The following STRBP variants were observed in gnomAD, a reference collection of about 807,000 sequenced individuals.
The protein encoded by STRBP is spermatid perinuclear RNA binding protein.
Under a neutral mutation model 80.1 loss-of-function variants are expected in STRBP, and 13 were observed. The observed-to-expected ratio is 0.16, with a 90% confidence interval of 0.11 to 0.26. STRBP has a LOEUF of 0.26. STRBP is among the 10% of genes least tolerant of loss of function. The probability of loss-of-function intolerance (pLI) is 1.00; values close to 1 mark genes in which losing one functional copy is unlikely to be tolerated. For synonymous variants in STRBP, 284 were observed against 291.2 expected (o/e 0.98, Z 0.25); for missense variants, 485 against 815.2 (o/e 0.59, Z 4.93).
rs1176108132 is a variant in STRBP, at chr9:123,115,181, C to CA, written c.*84+747dup. The CA allele has an allele frequency of 2.1e-6, 1 of 470,530 alleles. No individual in the cohort carries two copies. Among genetic ancestry groups the CA allele is most frequent in the Middle Eastern group, 3.3e-4 (1 of 3,066 alleles). 29.1% of individuals were successfully genotyped at this position (470,530 alleles called of 1,614,324 possible). ...TCGGGTCCCACAGCAAGGCCCTTCACACTCCCCAAGTGGGCACACTCTCTC... is the reference window on the plus strand; with the variant it reads ...TCGGGTCCCACAGCAAGGCCCTTCACAACTCCCCAAGTGGGCACACTCTCTC... On this transcript the variant is annotated intron_variant and NMD_transcript_variant, in intron 3 of 3. Coordinates refer to the STRBP transcript ENST00000471564. The surrounding 1 kb of genome is among the most constrained non-coding windows in gnomAD (Gnocchi z 5.0).
rs1329809526 is a variant in STRBP, at chr9:123,151,079, A to G, written c.1046-3209T>C. 2.0e-5 allele frequency among the ~76,000 whole-genome samples: 3 copies of G among 152,222 alleles called. No individual in the cohort carries two copies. In the East Asian group the frequency reaches 5.8e-4, roughly 29 times the overall value. ...ATAACCAGGCACATGAGAAGATATCATGATCAAAAATCAAGAGAAATCACA... is the reference window on the plus strand; with the variant it reads ...ATAACCAGGCACATGAGAAGATATCGTGATCAAAAATCAAGAGAAATCACA... On this transcript the variant is annotated intron_variant, in intron 11 of 18. Transcript: ENST00000348403.
intron 13 of STRBP, among the ~76,000 whole-genome samples, chr9:123,144,626 A>G (rs920441969): frequency 1.3e-5 from 2 of 152,244 alleles, no homozygotes; most frequent in Admixed American, 1.3e-4. Flanking sequence ...TATTATTTCT[A>G]CGTATTAGAA....
At chr9:123,149,054 C>T (rs953018944) in intron 11 of STRBP, among the ~76,000 whole-genome samples, 2 of 152,200 alleles carry the variant, frequency 1.3e-5, no homozygotes, top group African/African-American at 4.8e-5. Flanking sequence ...AAGATCTCAT[C>T]TCTTTATGTC....
chr9:123,199,188 C>T (rs556527075), intron 2 of STRBP, among the ~76,000 whole-genome samples: 1 of 152,204 alleles, frequency 6.6e-6, no homozygotes, highest in Admixed American at 6.5e-5. Context: ...CCCGCCTCAG[C>T]CTCCCAAAGT....
At chr9:123,152,386 C>G (rs1485289791) in intron 11 of STRBP, among the ~76,000 whole-genome samples, 1 of 151,678 alleles carries the variant, frequency 6.6e-6, no homozygotes, top group African/African-American at 2.4e-5. Context: ...CCACAAAAAC[C>G]TAAATTTTAT....
chr9:123,247,127 G>A (rs2040815701), intron 1 of STRBP, among the ~76,000 whole-genome samples: 1 of 152,126 alleles, frequency 6.6e-6, no homozygotes, highest in Admixed American at 6.5e-5. Flanking sequence ...GGGGAGAACA[G>A]CCACTACCCA....
In STRBP at chr9:123,146,934, A is replaced by G. The variant is rs2036837523; in HGVS notation, c.1259T>C (p.Met420Thr). ...SGPVHAPVFT[M>T]SVDVDGTTYE... ...TGTTGTGCCATCCACATCTACAGACATTGTGAAGACTGGGGCATGAACGGG... is the reference window on the plus strand; with the variant it reads ...TGTTGTGCCATCCACATCTACAGACGTTGTGAAGACTGGGGCATGAACGGG... Residue 420 changes from methionine (M) to threonine (T), a missense_variant, in exon 13 of 19, where the codon ATG (methionine) becomes ACG (threonine). This residue lies in a region of STRBP where 377 missense variants were observed against 616.1 expected (regional missense o/e 0.61). Coordinates refer to ENST00000348403, the MANE Select transcript of STRBP (RefSeq NM_018387.5). The G allele has an allele frequency of 6.2e-7, 1 of 1,613,966 alleles. No individual in the cohort carries two copies. Among genetic ancestry groups the G allele is most frequent in the Non-Finnish European group, 8.5e-7 (1 of 1,179,986 alleles).
At chr9:123,257,714 A>T (rs1304813684) in intron 1 of STRBP, among the ~76,000 whole-genome samples, 2 of 152,160 alleles carry the variant, frequency 1.3e-5, no homozygotes, top group African/African-American at 4.8e-5. Context: ...GCTACTCAGC[A>T]GACTGAATGG....
At chr9:123,178,130 G>C (rs534076436) in intron 4 of STRBP, among the ~76,000 whole-genome samples, 19 of 152,216 alleles carry the variant, frequency 1.2e-4, no homozygotes, top group Non-Finnish European at 2.1e-4. Flanking sequence ...GATAAAAAAA[G>C]TTATACTATC....
chr9:123,200,631 G>A (rs1196793916), intron 2 of STRBP, among the ~76,000 whole-genome samples: 2 of 146,852 alleles, frequency 1.4e-5, no homozygotes, highest in African/African-American at 5.0e-5. Flanking sequence ...GCAGTGGCGC[G>A]AACTCGGCTC....
chr9:123,168,865 C>A (rs996014194), intron 6 of STRBP, among the ~76,000 whole-genome samples: 3 of 152,184 alleles, frequency 2.0e-5, no homozygotes, highest in Non-Finnish European at 4.4e-5. Context: ...CCATCATGAA[C>A]TTCTCAAAAC....
At chr9:123,253,305 A>G (rs977986763) in intron 1 of STRBP, among the ~76,000 whole-genome samples, 1 of 152,224 alleles carries the variant, frequency 6.6e-6, no homozygotes, top group African/African-American at 2.4e-5. Context: ...ATTATTTCCT[A>G]TTTTGTTTTT....
chr9:123,227,605 G>A (rs773126468), intron 2 of STRBP, among the ~76,000 whole-genome samples: 4 of 130,094 alleles, frequency 3.1e-5, no homozygotes, highest in Admixed American at 1.9e-4. Flanking sequence ...TCACTCTGTC[G>A]CTCAGGCTGG....
chr9:123,189,259 T>C (rs1001959378), intron 2 of STRBP, among the ~76,000 whole-genome samples: 5 of 123,152 alleles, frequency 4.1e-5, no homozygotes, highest in Admixed American at 1.1e-4. Flanking sequence ...AATTGAACAA[T>C]GAGAACACAT....
chr9:123,168,709 G>A (rs1353196880), intron 6 of STRBP, among the ~76,000 whole-genome samples: 2 of 152,174 alleles, frequency 1.3e-5, no homozygotes, highest in Non-Finnish European at 2.9e-5. Context: ...AGGCTGCAAT[G>A]CCTCTAAATT....
In STRBP at chr9:123,207,629, A is replaced by C. The variant is rs529667570; in HGVS notation, c.-164-23331T>G. 2.6e-5 allele frequency among the ~76,000 whole-genome samples: 4 copies of C among 152,272 alleles called. No homozygotes were observed. In the East Asian group the frequency reaches 7.7e-4, roughly 29 times the overall value. On this transcript the variant is annotated intron_variant, in intron 2 of 18. Transcript: ENST00000348403. The stretch of plus-strand genomic sequence containing the variant: ...GGGATAGCATTCGGAGAAATACCTA[A>C]TGTACATGACGGGTCGATGGGTGCA...
downstream of STRBP, among the ~76,000 whole-genome samples, chr9:123,120,646 C>T (rs984702082): frequency 2.6e-5 from 4 of 151,912 alleles, no homozygotes; most frequent in African/African-American, 4.8e-5. Flanking sequence ...ACTTTCTCAT[C>T]TGTCATTAAA....
intron 2 of STRBP, among the ~76,000 whole-genome samples, chr9:123,197,989 T>C (rs1028765514): frequency 1.3e-5 from 2 of 152,002 alleles, no homozygotes; most frequent in African/African-American, 2.4e-5. Context: ...TTTTTAATAA[T>C]GACCATTCTT....
At chr9:123,173,149 GCAT>G (rs2038079139) in intron 5 of STRBP, among the ~76,000 whole-genome samples, 1 of 152,138 alleles carries the variant, frequency 6.6e-6, no homozygotes, top group South Asian at 2.1e-4. Context: ...GAACATGCCA[GCAT>G]CATATTTTTC....
Sources: allele counts gnomAD v4.1 joint callset (sites outside exome capture counted in the v4.1 genomes callset), GRCh38; gene constraint gnomAD v4.1.1; regional missense constraint gnomAD v4.1.1; non-coding constraint Gnocchi (gnomAD v3.1); transcripts MANE v1.5; gene names NCBI Gene and HGNC (gene_info 2026-07-23, HGNC 2026-07-21).